Variants in ACVR2A observed in about 807,000 individuals in gnomAD.
ACVR2A encodes activin A receptor type 2A, also known as activin receptor type-2A.
Under a neutral mutation model 61.4 loss-of-function variants are expected in ACVR2A, and 7 were observed. The observed-to-expected ratio is 0.11, with a 90% CI of 0.06 to 0.21. The LOEUF is 0.21. Among genes scored for constraint, ACVR2A ranks in the 10% least tolerant of loss-of-function variants. The pLI is 1.00. For missense variants in ACVR2A, 322 were observed against 621.7 expected (o/e 0.52, Z 5.13); for synonymous variants, 193 against 208.3 (o/e 0.93, Z 0.63).
intron 1 of ACVR2A, among the ~76,000 whole-genome samples, chr2:147,856,454 G>A (rs1244659069): frequency 4.6e-5 from 7 of 152,054 alleles, no homozygotes; most frequent in Admixed American, 2.6e-4. Flanking sequence ...AATACTATAG[G>A]TCATTTTATT....
chr2:147,871,403 C>G (rs544443218), intron 1 of ACVR2A, among the ~76,000 whole-genome samples: 1 of 152,020 alleles, frequency 6.6e-6, no homozygotes, highest in Non-Finnish European at 1.5e-5. Flanking sequence ...TTCTAAGAAC[C>G]TGAAGGGACA....
At chr2:147,860,216 G>C (rs2105143524) in intron 1 of ACVR2A, among the ~76,000 whole-genome samples, 1 of 152,198 alleles carries the variant, frequency 6.6e-6, no homozygotes, top group East Asian at 1.9e-4. Context: ...GCTAGAAATA[G>C]CACAGAATTG....
intron 1 of ACVR2A, among the ~76,000 whole-genome samples, chr2:147,893,059 C>G (rs1686629774): frequency 6.6e-6 from 1 of 152,110 alleles, no homozygotes; most frequent in Non-Finnish European, 1.5e-5. Flanking sequence ...TCCTCATGCC[C>G]TTTTGTAATC....
At chr2:147,902,021 C>T (rs547591739) in intron 4 of ACVR2A, among the ~76,000 whole-genome samples, 5 of 151,772 alleles carry the variant, frequency 3.3e-5, no homozygotes, top group Non-Finnish European at 7.4e-5. Context: ...TACTAGGGCA[C>T]TGTTAAGTTA....
intron 2 of ACVR2A, among the ~76,000 whole-genome samples, chr2:147,899,172 A>G (rs1424058578): frequency 6.6e-6 from 1 of 152,140 alleles, no homozygotes; most frequent in Admixed American, 6.6e-5. Context: ...AAAAAAATAA[A>G]AAAAGATGCT....
intron 1 of ACVR2A, among the ~76,000 whole-genome samples, chr2:147,856,333 T>C (rs1685572998): frequency 6.6e-6 from 1 of 152,196 alleles, no homozygotes; most frequent in Admixed American, 6.5e-5. Context: ...AAAAATATAA[T>C]GGTGCCTGCC....
rs941155519 is a variant in ACVR2A at position 147,918,653 on chromosome 2, C to G, written c.962+61C>G. On this transcript the variant is annotated intron_variant, in intron 7 of 10. Transcript: ENST00000241416. ...AGTATATATTTACTAAACTTTTAAG[C>G]CCCTGGGTAAATTTTAATTTTTCCT... 3.5e-6 allele frequency: 5 copies of G among 1,420,110 alleles called. No homozygotes were observed. The East Asian group carries it at 7.4e-5, about 21-fold the overall frequency. The allele number at this position is 1,420,110 out of a possible 1,614,324, so 88.0% of individuals were successfully genotyped here. A position where few individuals can be genotyped will look rare whatever the true frequency, so the allele number is the denominator to read the frequency against.
rs1687566520 is a variant in ACVR2A, at chr2:147,928,648, A to G, written c.*1374A>G. On this transcript the variant is annotated 3_prime_UTR_variant, in exon 11 of 11. Coordinates refer to ENST00000241416, the MANE Select transcript of ACVR2A (RefSeq NM_001616.5). ...GGTAGCATAGCCTAGCCTCCTCCCC[A>G]AAATTGCTTTTACAACTAACACTGA... 6.6e-6 allele frequency: 1 copy of G among 152,332 alleles called. No homozygotes were observed. The allele number at this position is 152,332 out of a possible 1,614,324, so 9.4% of individuals were successfully genotyped here.
intron 9 of ACVR2A, 122 bp from the exon 10 acceptor site, chr2:147,925,896 CTGTTTCTCTTCTG>C: frequency 1.2e-6 from 1 of 838,018 alleles, no homozygotes; most frequent in Admixed American, 2.6e-5. Flanking sequence ...AGTTGAGAGT[CTGTTTCTCTTCTG>C]TCCTCATAGC....
intron 1 of ACVR2A, among the ~76,000 whole-genome samples, chr2:147,866,700 A>C (rs1685864531): frequency 6.6e-6 from 1 of 152,166 alleles, no homozygotes; most frequent in Admixed American, 6.6e-5. Flanking sequence ...GGACTGTGGA[A>C]GGGCCATTTT....
At position 147,918,582 on chromosome 2, in the gene ACVR2A, A is replaced by G; in HGVS notation, c.952A>G (p.Ile318Val). Residue 318 changes from isoleucine (I) to valine (V), a missense_variant, in exon 7 of 11, where the codon ATA becomes GTA. By Grantham distance (29) the Ile-to-Val change is conservative. Transcript: ENST00000241416. Reference sequence around the variant, plus strand: ...CCTAAAAGATGGCCACAAACCTGCCATATCTCACAGGTAGACTAAATTTAT... The same window carrying G: ...CCTAAAAGATGGCCACAAACCTGCCGTATCTCACAGGTAGACTAAATTTAT... ...PGLKDGHKPA[I>V]SHRDIKSKNV... 3 of 1,606,794 alleles carry G rather than the reference A, an allele frequency of 1.9e-6. No homozygotes were observed. The highest frequency in any genetic ancestry group is 2.2e-5 in the East Asian group (1 of 44,642).
At chr2:147,920,186 G>C (rs560779394) in intron 7 of ACVR2A, 44 bp from the exon 8 acceptor site, 1 of 1,338,776 alleles carries the variant, frequency 7.5e-7, no homozygotes, top group South Asian at 1.2e-5. Context: ...ATTTAAAAAG[G>C]TAACTAGTTT....
Position 147,845,036 on chromosome 2 carries a change from C to A in ACVR2A, c.-117C>A. 2 of 132,806 alleles carry A rather than the reference C, an allele frequency of 1.5e-5. No individual in the cohort carries two copies. The highest frequency in any genetic ancestry group is 2.9e-5 in the Non-Finnish European group (2 of 68,908). The allele number at this position is 132,806 out of a possible 1,614,324, so 8.2% of individuals were successfully genotyped here. ...TTTTTTTTTTTTTTTTTGGTCTGGG[C>A]TTCCGAATATGTTTTATGACGGTTG... On this transcript the variant is annotated 5_prime_UTR_variant, in exon 1 of 11. Transcript: ENST00000241416.
intron 1 of ACVR2A, among the ~76,000 whole-genome samples, chr2:147,879,677 T>C (rs958845044): frequency 6.6e-6 from 1 of 152,208 alleles, no homozygotes; most frequent in Non-Finnish European, 1.5e-5. Flanking sequence ...TAAGATTTGT[T>C]AAAGATTTTG....
intron 1 of ACVR2A, among the ~76,000 whole-genome samples, chr2:147,860,037 G>A (rs960011383): frequency 6.6e-6 from 1 of 152,164 alleles, no homozygotes; most frequent in Non-Finnish European, 1.5e-5. Context: ...ATTGGCTTTA[G>A]TGATAGGACA....
At chr2:147,872,050 C>T (rs149985069) in intron 1 of ACVR2A, among the ~76,000 whole-genome samples, 8 of 152,154 alleles carry the variant, frequency 5.3e-5, no homozygotes, top group Middle Eastern at 3.4e-3. Flanking sequence ...AACCTGATCA[C>T]GTATTTTCCA....
chr2:147,882,901 T>TA lies in ACVR2A; in HGVS notation c.56-13388dup, dbSNP rs545626487. ...TTTGGTGGTGGGAAGGGGCTTAGTTTAAAAAAAAAAAATTAGATTGACAGG... is the reference window on the plus strand; with the variant it reads ...TTTGGTGGTGGGAAGGGGCTTAGTTTAAAAAAAAAAAAATTAGATTGACAGG... On this transcript the variant is annotated intron_variant, in intron 1 of 10. Coordinates refer to ENST00000241416, the MANE Select transcript of ACVR2A (RefSeq NM_001616.5). 8.2e-4 allele frequency among the ~76,000 whole-genome samples: 120 copies of TA among 147,180 alleles called. 1 individual carries two copies. The South Asian group carries it at 0.017, about 20-fold the overall frequency.
chr2:147,891,324 T>C (rs932926284), intron 1 of ACVR2A, among the ~76,000 whole-genome samples: 22 of 152,140 alleles, frequency 1.4e-4, no homozygotes, highest in African/African-American at 4.8e-4. Context: ...AATAGTTGCA[T>C]AGTGGTTTTT....
chr2:147,899,789 T>A lies in ACVR2A; in HGVS notation c.419T>A (p.Leu140Gln). 6.2e-7 allele frequency: 1 copy of A among 1,613,834 alleles called. No homozygotes were observed. The highest frequency in any genetic ancestry group is 8.5e-7 in the Non-Finnish European group (1 of 1,179,760). Reference sequence around the variant, plus strand: ...CCTAAGCCACCCTATTACAACATCCTGCTCTATTCCTTGGTGCCACTTATG... The same window carrying A: ...CCTAAGCCACCCTATTACAACATCCAGCTCTATTCCTTGGTGCCACTTATG... The part of the protein sequence containing the change: ...VTPKPPYYNI[L>Q]LYSLVPLMLI... Residue 140 changes from leucine to glutamine, a missense_variant, in exon 4 of 11, where the codon CTG (leucine) becomes CAG (glutamine). By Grantham distance (113) the Leu-to-Gln change is moderately radical (BLOSUM62 -2). Coordinates refer to ENST00000241416, the MANE Select transcript of ACVR2A (RefSeq NM_001616.5).
Sources: gnomAD v4.1 joint callset for allele counts (sites outside exome capture counted in the v4.1 genomes callset) on GRCh38, gnomAD v4.1.1 for gene constraint, MANE v1.5 for transcripts, NCBI Gene and HGNC (gene_info 2026-07-23, HGNC 2026-07-21) for gene names.